ADAD2: variants seen among roughly 807,000 people sequenced by gnomAD.
The protein encoded by ADAD2 is adenosine deaminase domain-containing protein 2.
In ADAD2, 60 loss-of-function variants were observed where a neutral mutation model predicts 54.5. The observed-to-expected ratio is 1.10, with a 90% confidence interval of 0.89 to 1.36. The LOEUF (loss-of-function observed/expected upper bound fraction) is 1.36. Among genes scored for constraint, ADAD2 ranks in the 40% most tolerant of loss-of-function variants. The pLI is 0.00. For missense variants in ADAD2, 1,103 were observed against 801.3 expected (o/e 1.38, Z -4.54); for synonymous variants, 543 against 366.2 (o/e 1.48, Z -5.51).
intron 8 of ADAD2, 37 bp from the exon 9 acceptor site, chr16:84,196,610 A>G: frequency 6.2e-7 from 1 of 1,603,822 alleles, no homozygotes; most frequent in Non-Finnish European, 8.5e-7. Context: ...TCCAGCTTGT[A>G]TCTCTCTGAT....
chr16:84,194,119 A>G lies in ADAD2; in HGVS notation c.419-323A>G, dbSNP rs776045645. 2.5e-6 allele frequency: 4 copies of G among 1,613,952 alleles called. No homozygotes were observed. In the South Asian group the frequency reaches 4.4e-5, roughly 18 times the overall value. The stretch of plus-strand genomic sequence containing the variant: ...GAGAACAGGGTGGCGTGGGCTCTGG[A>G]GAGGGGACCTGGATTTGGGTCCTGA... On this transcript the variant is annotated intron_variant, in intron 1 of 9. Coordinates refer to ENST00000315906, the MANE Select transcript of ADAD2 (RefSeq NM_001145400.2).
chr16:84,196,636 T>A lies in ADAD2; in HGVS notation c.1527-11T>A. ...TCTCTCTGATCTCAGTGGTATCCTCTCTTCATCCAGTGCCGCCCTGGGGCC... is the reference window on the plus strand; with the variant it reads ...TCTCTCTGATCTCAGTGGTATCCTCACTTCATCCAGTGCCGCCCTGGGGCC... On this transcript the variant is annotated splice_polypyrimidine_tract_variant and intron_variant, in intron 8 of 9. Transcript: ENST00000315906. 6.2e-7 allele frequency: 1 copy of A among 1,612,454 alleles called. No individual in the cohort carries two copies.
At position 84,196,277 on chromosome 16, in the gene ADAD2, C is replaced by A; in HGVS notation, c.1433C>A (p.Thr478Asn). 1 of 1,612,938 alleles carries A rather than the reference C, an allele frequency of 6.2e-7. No individual in the cohort carries two copies. Among genetic ancestry groups the A allele is most frequent in the Non-Finnish European group, 8.5e-7 (1 of 1,179,966 alleles). Residue 478 changes from threonine to asparagine, a missense_variant, in exon 8 of 10, where the codon ACC becomes AAC. Transcript: ENST00000315906. ...CCCCCGGTGGCCCCTTCCGAACCCACCCCTGACACCTGCCGTGGCCTGAGC... is the reference window on the plus strand; with the variant it reads ...CCCCCGGTGGCCCCTTCCGAACCCAACCCTGACACCTGCCGTGGCCTGAGC... ...AGPPVAPSEP[T>N]PDTCRGLSLN...
chr16:84,194,086 T>C (rs755112013), intron 1 of ADAD2: 10 of 1,614,036 alleles, frequency 6.2e-6, no homozygotes, highest in Non-Finnish European at 8.5e-6. Flanking sequence ...GCTCAGAGCC[T>C]TCCTCCTGAG....
chr16:84,195,226 C>CCT, intron 4 of ADAD2, 32 bp downstream of exon 4: 1 of 1,610,136 alleles, frequency 6.2e-7, no homozygotes, highest in Non-Finnish European at 8.5e-7. Context: ...GCCCTGGCCC[C>CCT]GGCCCCCTGG....
In ADAD2 at chr16:84,195,818, G is replaced by A. The variant is rs2089721423; in HGVS notation, c.1056G>A (p.Leu352=). The stretch of plus-strand genomic sequence containing the variant: ...TCTGTCCCCACCCGGCCCGCAGCCT[G>A]CCCCCCACCTCGGAAGGTGGCCTCC... ...TPKGAARDIY[L]PPTSEGGLPH... is the part of the protein sequence containing the mutation. Residue 352 remains leucine (L), a synonymous_variant, in exon 7 of 10, where the codon CTG becomes CTA. Transcript: ENST00000315906. 5.0e-6 allele frequency: 8 copies of A among 1,602,188 alleles called. No homozygotes were observed. The highest frequency in any genetic ancestry group is 6.8e-6 in the Non-Finnish European group (8 of 1,175,022).
chr16:84,196,660 C>A lies in ADAD2; in HGVS notation c.1540C>A (p.Pro514Thr). 6.2e-7 allele frequency: 1 copy of A among 1,613,464 alleles called. No individual in the cohort carries two copies. Among genetic ancestry groups the A allele is most frequent in the South Asian group, 1.1e-5 (1 of 91,066 alleles). The change falls in exon 9 of 10, where the codon CCT (proline) becomes ACT (threonine). Residue 514 changes from proline to threonine, a missense_variant. Physicochemically the swap from Pro to Thr is conservative, Grantham distance 38. Coordinates refer to ENST00000315906, the MANE Select transcript of ADAD2 (RefSeq NM_001145400.2). ...GRVKANAALG[P>T]PSRLCKASFL... ...CTCTTCATCCAGTGCCGCCCTGGGG[C>A]CTCCCTCCCGTCTCTGCAAGGCCTC...
chr16:84,193,869 G>T (rs1048669448), intron 1 of ADAD2: 7 of 931,404 alleles, frequency 7.5e-6, no homozygotes, highest in Non-Finnish European at 9.5e-6. Flanking sequence ...CCCCCAGAGG[G>T]GCAGTCCTTG....
At position 84,191,436 on chromosome 16, in the gene ADAD2, C is replaced by T. The variant is rs373937947; in HGVS notation, c.206C>T (p.Pro69Leu). The change falls in exon 1 of 10, where the codon CCT becomes CTT. Residue 69 changes from proline to leucine, a missense_variant. Transcript: ENST00000315906. Reference sequence around the variant, plus strand: ...GTCTCGGTGTTGAGGGACAGTGGGCCTGGGGCAGGGGCCGGAGTCGGGGAA... The same window carrying T: ...GTCTCGGTGTTGAGGGACAGTGGGCTTGGGGCAGGGGCCGGAGTCGGGGAA... ...PQVSVLRDSG[P>L]GAGAGVGELG... The T allele has an allele frequency of 4.0e-6, 6 of 1,512,300 alleles. No individual in the cohort carries two copies. The African/African-American group carries it at 5.6e-5, about 14-fold the overall frequency. 93.7% of individuals were successfully genotyped at this position (1,512,300 alleles called of 1,614,324 possible). A position where few individuals can be genotyped will look rare whatever the true frequency, so the allele number is the denominator to read the frequency against.
rs371547479 is a variant in ADAD2, at chr16:84,194,395, C to T, written c.419-47C>T. On this transcript the variant is annotated intron_variant, in intron 1 of 9. Coordinates refer to ENST00000315906, the MANE Select transcript of ADAD2 (RefSeq NM_001145400.2). ...GAGGAGGCAGAGGTGGTACCTGTCACAGGGCGAAGGCCAGGGGGCTGCTTC... is the reference window on the plus strand; with the variant it reads ...GAGGAGGCAGAGGTGGTACCTGTCATAGGGCGAAGGCCAGGGGGCTGCTTC... 18 of 1,584,930 alleles carry T rather than the reference C, an allele frequency of 1.1e-5. No individual in the cohort carries two copies. The African/African-American group carries it at 2.1e-4, about 19-fold the overall frequency.
At position 84,195,220 on chromosome 16, in the gene ADAD2, TG is replaced by T. The variant is rs770419583; in HGVS notation, c.733+28del. 4.3e-6 allele frequency: 7 copies of T among 1,610,466 alleles called. No homozygotes were observed. In the African/African-American group the frequency reaches 8.0e-5, roughly 18 times the overall value. On this transcript the variant is annotated intron_variant, in intron 4 of 9. Transcript: ENST00000315906. ...GTAGGGATCGCCCCAGCCCTGGCCC[TG>T]GCCCCGGCCCCCTGGGAAGGGCCCC...
chr16:84,191,789 GAGC>G (rs1321943379), intron 1 of ADAD2, 141 bp downstream of exon 1: 7 of 1,299,978 alleles, frequency 5.4e-6, no homozygotes, highest in Admixed American at 2.0e-5. Flanking sequence ...GACCTGGCCT[GAGC>G]TTGGGACCTT....
chr16:84,195,603 C>A lies in ADAD2; in HGVS notation c.958C>A (p.Gln320Lys), dbSNP rs1477419887. The A allele has an allele frequency of 1.9e-6, 3 of 1,604,598 alleles. No individual in the cohort carries two copies. Among genetic ancestry groups the A allele is most frequent in the Non-Finnish European group, 2.6e-6 (3 of 1,175,982 alleles). Reference protein sequence around the residue: ...KGKEQSVLAPQPGPGPPFTLK... With the variant: ...KGKEQSVLAPKPGPGPPFTLK... ...CAAGGAGCAGTCCGTGCTGGCCCCC[C>A]AGCCAGGGCCCGGACCCCCATTCAC... Residue 320 changes from glutamine (Q) to lysine (K), a missense_variant, in exon 6 of 10, where the codon CAG becomes AAG. Physicochemically the swap from Gln to Lys is moderately conservative, Grantham distance 53 (BLOSUM62 1). Transcript: ENST00000315906.
At position 84,195,669 on chromosome 16, in the gene ADAD2, A is replaced by T. The variant is rs1241813440; in HGVS notation, c.1024A>T (p.Thr342Ser). ...RVFLHLYISN[T>S]PKGAARDIYL... is the part of the protein sequence containing the mutation. The stretch of plus-strand genomic sequence containing the variant: ...CTTCCTGCACCTCTACATCAGCAAC[A>T]CCCCCAAGGGCGCGGCCCGTGACAT... Residue 342 changes from threonine to serine, a missense_variant, in exon 6 of 10, where the codon ACC becomes TCC. Physicochemically the swap from Thr to Ser is moderately conservative, Grantham distance 58. Coordinates refer to ENST00000315906, the MANE Select transcript of ADAD2 (RefSeq NM_001145400.2). 1 of 1,568,386 alleles carries T rather than the reference A, an allele frequency of 6.4e-7. No individual in the cohort carries two copies. Among genetic ancestry groups the T allele is most frequent in the African/African-American group, 1.4e-5 (1 of 70,574 alleles).
intron 8 of ADAD2, 56 bp downstream of exon 8, chr16:84,196,426 A>C: frequency 6.4e-7 from 1 of 1,571,212 alleles, no homozygotes; most frequent in Non-Finnish European, 8.6e-7. Flanking sequence ...TGGAGGGCTC[A>C]TGCATGAGCT....
rs535413779 is a variant in ADAD2 at position 84,191,166 on chromosome 16, G to T, written c.-65G>T. The T allele has an allele frequency of 2.1e-5, 33 of 1,554,114 alleles. 1 individual carries two copies. Among genetic ancestry groups the T allele is most frequent in the Admixed American group, 1.7e-4 (9 of 52,756 alleles). On this transcript the variant is annotated 5_prime_UTR_variant, in exon 1 of 10. Coordinates refer to ENST00000315906, the MANE Select transcript of ADAD2 (RefSeq NM_001145400.2). The stretch of plus-strand genomic sequence containing the variant: ...CTCCCCACGTGAAGGCACCCGCCCT[G>T]CGCGTGTGAAAGGGCGAGAGCAGCG...
At chr16:84,193,060 G>C (rs2089676291) in intron 1 of ADAD2, 1 of 152,102 alleles carries the variant, frequency 6.6e-6, no homozygotes, top group Admixed American at 6.6e-5. Flanking sequence ...TGGCCATGCT[G>C]GTCTTGAGTT....
chr16:84,193,804 G>C (rs2089688043), intron 1 of ADAD2: 1 of 535,408 alleles, frequency 1.9e-6, no homozygotes, highest in Non-Finnish European at 3.3e-6. Context: ...GTTTAGAGCA[G>C]ACAGATCTCA....
chr16:84,195,231 C>T (rs1371189575), intron 4 of ADAD2, 37 bp downstream of exon 4: 1 of 1,610,462 alleles, frequency 6.2e-7, no homozygotes, highest in East Asian at 2.2e-5. Flanking sequence ...GGCCCCGGCC[C>T]CCTGGGAAGG....
Sources: allele counts gnomAD v4.1 joint callset, GRCh38; gene constraint gnomAD v4.1.1; transcripts MANE v1.5; gene names NCBI Gene and HGNC (gene_info 2026-07-23, HGNC 2026-07-21).